The following IQGAP2 variants were observed in gnomAD, a reference collection of about 807,000 sequenced individuals.
The protein encoded by IQGAP2 is IQ motif containing GTPase activating protein 2.
In IQGAP2, 173 loss-of-function variants were observed where a neutral mutation model predicts 201.3. The ratio of observed to expected loss-of-function variants is 0.86; its 90% confidence interval spans 0.76 to 0.98. The LOEUF (loss-of-function observed/expected upper bound fraction) is 0.98. IQGAP2 is among the 50% of genes least tolerant of loss of function. IQGAP2 has a pLI of 0.00. For missense variants in IQGAP2, 1,687 were observed against 1,864.8 expected, an observed-to-expected ratio of 0.90 and a Z score of 1.76; for synonymous variants, 675 against 673.9, an observed-to-expected ratio of 1.00 and a Z score of -0.03.
At chr5:76,480,428 C>T (rs1755704476) in intron 2 of IQGAP2, among the ~76,000 whole-genome samples, 1 of 152,124 alleles carries the variant, frequency 6.6e-6, no homozygotes, top group Admixed American at 6.5e-5. Flanking sequence ...TTAAAGTCTA[C>T]CTGGTCTTCA....
rs1171857772 is a variant in IQGAP2, at chr5:76,620,703, G to A, written c.1522-6707G>A. On this transcript the variant is annotated intron_variant, in intron 13 of 35. Transcript: ENST00000274364. Reference sequence around the variant, plus strand: ...TGAGATGGCCTAGGGGGAGTTATGAGAAGAAAGAATCCAAAGGTGGACTTT... The same window carrying A: ...TGAGATGGCCTAGGGGGAGTTATGAAAAGAAAGAATCCAAAGGTGGACTTT... Among the ~76,000 whole-genome samples the A allele has an allele frequency of 2.0e-5, 3 of 152,106 alleles. 1 individual carries two copies. The highest frequency in any genetic ancestry group is 2.0e-4 in the Admixed American group (3 of 15,262).
chr5:76,544,510 G>C (rs887256461), intron 2 of IQGAP2, among the ~76,000 whole-genome samples: 2 of 152,342 alleles, frequency 1.3e-5, no homozygotes, highest in East Asian at 3.9e-4. Flanking sequence ...CTGCCACCTT[G>C]TGAGCTGCCT....
intron 1 of IQGAP2, among the ~76,000 whole-genome samples, chr5:76,428,676 AC>A (rs1341613986): frequency 1.3e-5 from 2 of 150,374 alleles, no homozygotes; most frequent in African/African-American, 4.9e-5. Flanking sequence ...CAAGTGATCC[AC>A]CCGTCTCAGC....
chr5:76,699,903 TTCTCTCTCTCTCTCTC>T (rs1186832045), intron 33 of IQGAP2, among the ~76,000 whole-genome samples: 1 of 7,094 alleles, frequency 1.4e-4, no homozygotes, highest in South Asian at 3.8e-3. Context: ...TTCTTTCTGT[TTCTCTCTCTCTCTCTC>T]TCTCTCTCTC....
chr5:76,643,561 G>T (rs896755975), intron 17 of IQGAP2, among the ~76,000 whole-genome samples: 3 of 152,120 alleles, frequency 2.0e-5, no homozygotes, highest in Non-Finnish European at 4.4e-5. Flanking sequence ...AGATAATGGG[G>T]ATCCAATATT....
At chr5:76,646,920 A>G (rs1752086139) in intron 17 of IQGAP2, among the ~76,000 whole-genome samples, 1 of 152,148 alleles carries the variant, frequency 6.6e-6, no homozygotes, top group South Asian at 2.1e-4. Flanking sequence ...TAGAAAACTT[A>G]TCAATTTTAT....
At chr5:76,618,559 C>G in intron 13 of IQGAP2, 1 of 1,614,100 alleles carries the variant, frequency 6.2e-7, no homozygotes, top group Admixed American at 1.7e-5. Context: ...AAGGGGAACT[C>G]TTCAAAAGAA....
At position 76,662,979 on chromosome 5, in the gene IQGAP2, A is replaced by G. The variant is rs1743397328; in HGVS notation, c.2530-2047A>G. On this transcript the variant is annotated intron_variant, in intron 21 of 35. Coordinates refer to ENST00000274364, the MANE Select transcript of IQGAP2 (RefSeq NM_006633.5). ...TAAAATCATGGACCTGGAAGGCAAC[A>G]GATGTAGCCACATGGAACTGTCTTA... Among the ~76,000 whole-genome samples the G allele has an allele frequency of 2.6e-5, 4 of 152,352 alleles. No homozygotes were observed. The East Asian group carries it at 7.7e-4, about 29-fold the overall frequency.
intron 2 of IQGAP2, among the ~76,000 whole-genome samples, chr5:76,548,540 G>A (rs1743237267): frequency 6.6e-6 from 1 of 152,246 alleles, no homozygotes. Flanking sequence ...TCAGAGCAGA[G>A]TGGCAGAGAG....
In IQGAP2 at chr5:76,589,003, C is replaced by T. The variant is rs181492978; in HGVS notation, c.526+30C>T. ...TACTCTTTATCTTTGTAATTTTTTA[C>T]AATCTAGTTATAAAAAGTACCAATA... On this transcript the variant is annotated intron_variant, in intron 6 of 35. Coordinates refer to ENST00000274364, the MANE Select transcript of IQGAP2 (RefSeq NM_006633.5). 4.0e-6 allele frequency: 6 copies of T among 1,483,390 alleles called. No homozygotes were observed. The Admixed American group carries it at 8.6e-5, about 21-fold the overall frequency. 91.9% of individuals were successfully genotyped at this position (1,483,390 alleles called of 1,614,324 possible). A position where few individuals can be genotyped will look rare whatever the true frequency, so the allele number is the denominator to read the frequency against.
chr5:76,667,468 T>G (rs1283772653), intron 22 of IQGAP2, among the ~76,000 whole-genome samples: 3 of 152,226 alleles, frequency 2.0e-5, no homozygotes, highest in Non-Finnish European at 4.4e-5. Context: ...TTTCTCTTTG[T>G]ACATACTTCC....
At chr5:76,415,746 A>G (rs1450924789) in intron 1 of IQGAP2, among the ~76,000 whole-genome samples, 1 of 152,208 alleles carries the variant, frequency 6.6e-6, no homozygotes, top group Non-Finnish European at 1.5e-5. Context: ...GTTCAAGACC[A>G]ACCTGGCCAA....
chr5:76,443,218 T>A (rs181103058), intron 1 of IQGAP2, among the ~76,000 whole-genome samples: 236 of 152,322 alleles, frequency 1.5e-3, no homozygotes, highest in African/African-American at 5.3e-3. Flanking sequence ...TCCAGAGTTT[T>A]AAATCATCTG....
At chr5:76,622,154 T>G (rs1749755365) in intron 13 of IQGAP2, among the ~76,000 whole-genome samples, 1 of 152,142 alleles carries the variant, frequency 6.6e-6, no homozygotes, top group African/African-American at 2.4e-5. Flanking sequence ...CACTGCCTCT[T>G]TGTTTCCTTC....
At chr5:76,654,568 T>C (rs1752762830) in intron 19 of IQGAP2, among the ~76,000 whole-genome samples, 1 of 152,188 alleles carries the variant, frequency 6.6e-6, no homozygotes, top group African/African-American at 2.4e-5. Context: ...ACATATGTAG[T>C]TTTTTCAACT....
chr5:76,590,583 G>A lies in IQGAP2; in HGVS notation c.816G>A (p.Leu272=), dbSNP rs1746576948. 6.2e-7 allele frequency: 1 copy of A among 1,604,070 alleles called. No individual in the cohort carries two copies. The highest frequency in any genetic ancestry group is 1.1e-5 in the South Asian group (1 of 89,306). The change falls in exon 8 of 36, where the codon CTG becomes CTA. Residue 272 remains leucine, a synonymous_variant. Transcript: ENST00000274364. Reference sequence around the variant, plus strand: ...AGAAAAAAGAGGAAAATGCAAGACTGAAGGTGCTTAGATTCTGAGTAATAA... The same window carrying A: ...AGAAAAAAGAGGAAAATGCAAGACTAAAGGTGCTTAGATTCTGAGTAATAA... ...AKKKKEENAR[L]KNSCISEEER...
intron 20 of IQGAP2, among the ~76,000 whole-genome samples, chr5:76,655,411 A>G (rs1193434978): frequency 6.6e-6 from 1 of 152,152 alleles, no homozygotes; most frequent in Non-Finnish European, 1.5e-5. Context: ...TCTTCCTACA[A>G]TTTCATTTTG....
chr5:76,409,642 A>C (rs1374325644), intron 1 of IQGAP2, among the ~76,000 whole-genome samples: 1 of 152,244 alleles, frequency 6.6e-6, no homozygotes, highest in Admixed American at 6.5e-5. Flanking sequence ...TGCTGAAGTG[A>C]AAGGCTTTTC....
At chr5:76,484,051 C>G (rs991245749) in intron 2 of IQGAP2, among the ~76,000 whole-genome samples, 3 of 147,526 alleles carry the variant, frequency 2.0e-5, no homozygotes, top group Non-Finnish European at 4.5e-5. Context: ...AGGGCGGAGA[C>G]TCTCATTGTT....
Sources: allele counts gnomAD v4.1 joint callset (sites outside exome capture counted in the v4.1 genomes callset), GRCh38; gene constraint gnomAD v4.1.1; transcripts MANE v1.5; gene names NCBI Gene and HGNC (gene_info 2026-07-23, HGNC 2026-07-21).